The following C16orf96 variants were observed in gnomAD, a reference collection of about 807,000 sequenced individuals.
The protein encoded by C16orf96 is uncharacterized protein C16orf96.
A neutral mutation model predicts 103.6 loss-of-function variants in C16orf96; 108 were observed. The observed-to-expected ratio is 1.04, with a 90% CI of 0.89 to 1.22. The LOEUF (loss-of-function observed/expected upper bound fraction) is 1.22, where lower values mean the gene tolerates loss of function less well. Ranked by LOEUF, C16orf96 falls within the 50% of genes most tolerant of loss-of-function variation. The pLI is 0.00. For missense variants in C16orf96, 1,586 were observed against 1,464.2 expected, an observed-to-expected ratio of 1.08 and a Z score of -1.36; for synonymous variants, 566 against 593.5, an observed-to-expected ratio of 0.95 and a Z score of 0.67.
intron 7 of C16orf96, among the ~76,000 whole-genome samples, chr16:4,581,477 C>A (rs1350116967): frequency 6.7e-6 from 1 of 149,912 alleles, no homozygotes; most frequent in Non-Finnish European, 1.5e-5. Context: ...ACTAAAAATA[C>A]AAAAAATTAG....
In C16orf96 at chr16:4,593,218, C is replaced by G; in HGVS notation, c.2775-6C>G. On this transcript the variant is annotated splice_polypyrimidine_tract_variant and splice_region_variant and intron_variant, in intron 11 of 15. Coordinates refer to ENST00000444310, the MANE Select transcript of C16orf96 (RefSeq NM_001145011.2). This position sits in a 1 kb window ranked among gnomAD's most constrained non-coding sequence, Gnocchi z 4.2. The stretch of plus-strand genomic sequence containing the variant: ...CAGCCCCTGCTGTGCCCTTGTCCTC[C>G]AACAGACAGCTGATCACCATCCGCA... The G allele has an allele frequency of 6.4e-7, 1 of 1,550,934 alleles. No individual in the cohort carries two copies.
chr16:4,590,198 G>A (rs1028240140), intron 9 of C16orf96, among the ~76,000 whole-genome samples: 2 of 151,960 alleles, frequency 1.3e-5, no homozygotes, highest in Non-Finnish European at 2.9e-5. Flanking sequence ...TGAGATGGGA[G>A]GATCACTTGA....
intron 7 of C16orf96, among the ~76,000 whole-genome samples, chr16:4,581,065 G>A (rs1411337480): frequency 5.5e-5 from 8 of 145,574 alleles, no homozygotes; most frequent in African/African-American, 1.5e-4. Flanking sequence ...CAGTGGTTGC[G>A]GTGAGCCCCG....
chr16:4,584,557 C>G (rs936543608), intron 7 of C16orf96, among the ~76,000 whole-genome samples: 2 of 148,398 alleles, frequency 1.3e-5, no homozygotes, highest in Admixed American at 6.7e-5. Flanking sequence ...TTGTTCGAGG[C>G]AGAATTTCAC....
chr16:4,576,383 T>C lies in C16orf96; in HGVS notation c.1903T>C (p.Ser635Pro). 1 of 1,550,958 alleles carries C rather than the reference T, an allele frequency of 6.4e-7. No individual in the cohort carries two copies. ...AGGGCCTTCCCGGGGAGCCACAGAA[T>C]CCCAGATCTTGGGCGATGATTCCGA... is the stretch of plus-strand genomic sequence containing the variant. ...GAGPSRGATESQILGDDSEIY... is the reference protein window; with the variant it reads ...GAGPSRGATEPQILGDDSEIY... Residue 635 changes from serine (S) to proline (P), a missense_variant, in exon 5 of 16, where the codon TCC (serine) becomes CCC (proline). Ser to Pro is a moderately conservative substitution (Grantham distance 74). Transcript: ENST00000444310.
upstream of C16orf96, among the ~76,000 whole-genome samples, chr16:4,556,123 G>A (rs139372648): frequency 2.6e-5 from 4 of 152,228 alleles, no homozygotes; most frequent in East Asian, 1.9e-4. Context: ...CCTTCCATAT[G>A]TGCTTCTAGG....
Position 4,556,592 on chromosome 16 carries a change from G to A in C16orf96, c.103G>A (p.Glu35Lys). 6.4e-7 allele frequency: 1 copy of A among 1,551,594 alleles called. No homozygotes were observed. The highest frequency in any genetic ancestry group is 2.4e-5 in the East Asian group (1 of 40,934). The change falls in exon 1 of 16, where the codon GAG becomes AAG. Residue 35 changes from glutamate (E) to lysine (K), a missense_variant. Transcript: ENST00000444310. ...ALHLLLHGIL[E>K]HIHMAELKKV... is the part of the protein sequence containing the mutation. ...GCACCTCCTGCTGCACGGCATCTTG[G>A]AGCACATCCACATGGCCGAGCTCAA...
the C16orf96 span, among the ~76,000 whole-genome samples, chr16:4,546,172 T>A: frequency 5.3e-5 from 8 of 151,220 alleles, no homozygotes; most frequent in South Asian, 1.7e-3. Flanking sequence ...TTTTTTTTTT[T>A]TTTTGAGACG....
intron 14 of C16orf96, among the ~76,000 whole-genome samples, chr16:4,596,934 T>C: frequency 6.6e-6 from 1 of 152,132 alleles, no homozygotes; most frequent in Non-Finnish European, 1.5e-5. Context: ...GTGTGTCCTC[T>C]CCTCTGTCCC....
At position 4,593,166 on chromosome 16, in the gene C16orf96, C is replaced by A; in HGVS notation, c.2775-58C>A. 6.7e-7 allele frequency: 1 copy of A among 1,484,862 alleles called. No homozygotes were observed. Among genetic ancestry groups the A allele is most frequent in the Non-Finnish European group, 9.2e-7 (1 of 1,088,356 alleles). The allele number at this position is 1,484,862 out of a possible 1,614,324, so 92.0% of individuals were successfully genotyped here. A position where few individuals can be genotyped will look rare whatever the true frequency, so the allele number is the denominator to read the frequency against. On this transcript the variant is annotated intron_variant, in intron 11 of 15. Coordinates refer to ENST00000444310, the MANE Select transcript of C16orf96 (RefSeq NM_001145011.2). The surrounding 1 kb of genome is among the most constrained non-coding windows in gnomAD (Gnocchi z 4.2). The stretch of plus-strand genomic sequence containing the variant: ...GCTTCCTGGAGGGGTGGGAGACGAG[C>A]CCTCTGCTGGCCTAGCACGCCTCCC...
the C16orf96 span, among the ~76,000 whole-genome samples, chr16:4,544,231 G>A: frequency 0.025 from 3,738 of 152,286 alleles, 73 homozygotes; most frequent in Non-Finnish European, 0.035. Flanking sequence ...GGGTTTGAGA[G>A]CCAGTGAGAA....
At chr16:4,590,736 A>G (rs555107349) in intron 9 of C16orf96, among the ~76,000 whole-genome samples, 1 of 150,630 alleles carries the variant, frequency 6.6e-6, no homozygotes, top group East Asian at 2.0e-4. Context: ...TACAAAGATT[A>G]GGCTGGGCGT....
chr16:4,585,647 C>G (rs183141416), intron 7 of C16orf96, among the ~76,000 whole-genome samples: 1 of 152,074 alleles, frequency 6.6e-6, no homozygotes, highest in Admixed American at 6.6e-5. Context: ...CAGTTCCCTG[C>G]GGTTGCTGCG....
At chr16:4,574,518 G>T (rs1011177241) in intron 2 of C16orf96, among the ~76,000 whole-genome samples, 191 bp from the exon 3 acceptor site, 2 of 152,132 alleles carry the variant, frequency 1.3e-5, no homozygotes, top group African/African-American at 2.4e-5. Flanking sequence ...CACTGTGCCC[G>T]GCCTGACATG....
intron 2 of C16orf96, among the ~76,000 whole-genome samples, chr16:4,574,166 C>G (rs572219396): frequency 2.0e-5 from 3 of 151,596 alleles, no homozygotes; most frequent in South Asian, 4.2e-4. Context: ...TTTGCTCATT[C>G]AAGGCTCTGG....
rs1596540097 is a variant in C16orf96 at position 4,595,622 on chromosome 16, CCA to C, written c.3127+820_3127+821del. On this transcript the variant is annotated intron_variant, in intron 14 of 15. Transcript: ENST00000444310. ...CCCTGGGTGGGAGCTACACGCCGCC[CCA>C]TAAGGAGCAGTCCCGGAGCCACAAG... Among the ~76,000 whole-genome samples the C allele has an allele frequency of 2.0e-5, 3 of 152,332 alleles. No homozygotes were observed. The East Asian group carries it at 5.8e-4, about 29-fold the overall frequency.
intron 7 of C16orf96, among the ~76,000 whole-genome samples, chr16:4,581,362 G>T (rs550049509): frequency 6.7e-6 from 1 of 148,376 alleles, no homozygotes; most frequent in East Asian, 2.0e-4. Context: ...GGCCAGGCGC[G>T]GTGGCTCACG....
intron 3 of C16orf96, 40 bp from the exon 4 acceptor site, chr16:4,574,932 T>G: frequency 6.5e-7 from 1 of 1,543,082 alleles, no homozygotes; most frequent in Non-Finnish European, 8.8e-7. Context: ...CACTGCCCCC[T>G]CCAGGCTCAC....
intron 1 of C16orf96, among the ~76,000 whole-genome samples, chr16:4,569,699 C>CAAA (rs5815209): frequency 1.5e-5 from 2 of 129,426 alleles, no homozygotes; most frequent in African/African-American, 3.1e-5. Flanking sequence ...GACTCTGTCT[C>CAAA]AAAAAAAAAA....
Sources: gnomAD v4.1 joint callset for allele counts (sites outside exome capture counted in the v4.1 genomes callset) on GRCh38, gnomAD v4.1.1 for gene constraint, Gnocchi (gnomAD v3.1) non-coding constraint, MANE v1.5 for transcripts, NCBI Gene and HGNC (gene_info 2026-07-23, HGNC 2026-07-21) for gene names.